ZBTB44: variants seen among roughly 807,000 people sequenced by gnomAD.
The protein encoded by ZBTB44 is zinc finger and BTB domain-containing protein 44.
ZBTB44 carries 15 observed loss-of-function variants against 54.0 expected under a neutral mutation model. The ratio of observed to expected loss-of-function variants is 0.28; its 90% CI spans 0.19 to 0.43. The LOEUF (loss-of-function observed/expected upper bound fraction) is 0.43, where lower values mean the gene tolerates loss of function less well. Ranked by LOEUF, ZBTB44 falls within the 20% of genes least tolerant of loss-of-function variation. The pLI is 1.00. For missense variants in ZBTB44, 487 were observed against 707.1 expected (o/e 0.69, Z 3.53); for synonymous variants, 230 against 250.1 (o/e 0.92, Z 0.76).
intron 1 of ZBTB44, among the ~76,000 whole-genome samples, chr11:130,306,712 G>A (rs1942284126): frequency 1.3e-5 from 2 of 152,104 alleles, no homozygotes; most frequent in South Asian, 4.1e-4. Flanking sequence ...TTTACACCAT[G>A]AAAACTGAAT....
intron 1 of ZBTB44, among the ~76,000 whole-genome samples, chr11:130,287,053 G>A (rs1334439756): frequency 6.6e-6 from 1 of 152,214 alleles, no homozygotes; most frequent in African/African-American, 2.4e-5. Flanking sequence ...CCATCTGAAT[G>A]TGTTCGCCAT....
rs1302099430 is a variant in ZBTB44, at chr11:130,229,698, C to T, written c.*2066G>A. The T allele has an allele frequency of 6.6e-6, 1 of 152,134 alleles. No homozygotes were observed. Among genetic ancestry groups the T allele is most frequent in the Non-Finnish European group, 1.5e-5 (1 of 67,996 alleles). 9.4% of individuals were successfully genotyped at this position (152,134 alleles called of 1,614,324 possible). A position where few individuals can be genotyped will look rare whatever the true frequency, so the allele number is the denominator to read the frequency against. The stretch of plus-strand genomic sequence containing the variant: ...CTTCCTTGTTACCCCAATTTTGTTT[C>T]ACTGCTTCAGAAAAGAAAATTTAGC... On this transcript the variant is annotated 3_prime_UTR_variant, in exon 8 of 8. Coordinates refer to ENST00000357899, the MANE Select transcript of ZBTB44 (RefSeq NM_001301098.2).
chr11:130,300,366 T>C (rs533822699), intron 1 of ZBTB44, among the ~76,000 whole-genome samples: 3 of 152,280 alleles, frequency 2.0e-5, no homozygotes, highest in African/African-American at 7.2e-5. Context: ...CAATGGTCTA[T>C]GTGTCTACCT....
intron 1 of ZBTB44, chr11:130,285,642 AC>A (rs2134313134): frequency 3.8e-6 from 1 of 262,578 alleles, no homozygotes; most frequent in South Asian, 5.5e-5. Context: ...AATATCCCCT[AC>A]TTCACAGTCT....
intron 1 of ZBTB44, among the ~76,000 whole-genome samples, chr11:130,264,887 A>G (rs977629891): frequency 6.6e-6 from 1 of 152,138 alleles, no homozygotes; most frequent in East Asian, 1.9e-4. Context: ...GCCACTTTCC[A>G]CCAGCTTGTG....
intron 1 of ZBTB44, among the ~76,000 whole-genome samples, chr11:130,292,565 T>C (rs7119450): frequency 0.041 from 6,237 of 152,310 alleles, 316 homozygotes; most frequent in African/African-American, 0.12. Flanking sequence ...AATTGCTGAA[T>C]AAATGTTCTT....
intron 1 of ZBTB44, among the ~76,000 whole-genome samples, chr11:130,262,699 G>T (rs2039898094): frequency 6.6e-6 from 1 of 151,158 alleles, no homozygotes; most frequent in African/African-American, 2.4e-5. Context: ...AATGTATAGA[G>T]GAAAAGAAAG....
intron 1 of ZBTB44, among the ~76,000 whole-genome samples, chr11:130,303,672 A>T (rs1186750217): frequency 2.0e-5 from 3 of 152,076 alleles, no homozygotes; most frequent in Admixed American, 6.6e-5. Flanking sequence ...ACCCAAAAAA[A>T]CACCCCCCAA....
intron 1 of ZBTB44, among the ~76,000 whole-genome samples, chr11:130,312,183 T>A (rs1008261799): frequency 1.8e-4 from 28 of 152,348 alleles, no homozygotes; most frequent in African/African-American, 6.3e-4. Flanking sequence ...CTCCAATAAC[T>A]GATTTAAGCA....
chr11:130,292,889 ACT>A (rs1164871084), intron 1 of ZBTB44, among the ~76,000 whole-genome samples: 4 of 151,848 alleles, frequency 2.6e-5, no homozygotes, highest in African/African-American at 9.7e-5. Flanking sequence ...CACTATTAAG[ACT>A]CTTTTTTACT....
chr11:130,251,002 G>A (rs1039059856), intron 2 of ZBTB44, among the ~76,000 whole-genome samples: 14 of 152,120 alleles, frequency 9.2e-5, no homozygotes, highest in African/African-American at 1.9e-4. Context: ...CTCCACTAAC[G>A]GAGCATGTTC....
At chr11:130,235,196 A>G (rs1360504819) in intron 5 of ZBTB44, among the ~76,000 whole-genome samples, 3 of 152,248 alleles carry the variant, frequency 2.0e-5, no homozygotes, top group African/African-American at 7.2e-5. Context: ...ATAAAAAATT[A>G]AAATCTGTTC....
intron 2 of ZBTB44, among the ~76,000 whole-genome samples, chr11:130,255,834 A>G (rs1938387662): frequency 6.6e-6 from 1 of 151,480 alleles, no homozygotes; most frequent in African/African-American, 2.4e-5. Flanking sequence ...TCCCAAGACT[A>G]AACTAGGAAG....
chr11:130,283,035 CTTTTTTTTTTTT>C (rs531030883), intron 1 of ZBTB44, among the ~76,000 whole-genome samples: 1,236 of 102,486 alleles, frequency 0.012, 25 homozygotes, highest in African/African-American at 0.032. Flanking sequence ...CCATTCTAAC[CTTTTTTTTTTTT>C]TTTTTTTTTT....
chr11:130,309,381 G>T (rs982232009), intron 1 of ZBTB44, among the ~76,000 whole-genome samples: 1 of 152,216 alleles, frequency 6.6e-6, no homozygotes, highest in Non-Finnish European at 1.5e-5. Context: ...GCACTTGGTT[G>T]ACAGGAGGCT....
chr11:130,252,886 C>T (rs1036136178), intron 2 of ZBTB44, among the ~76,000 whole-genome samples: 2 of 152,122 alleles, frequency 1.3e-5, no homozygotes, highest in African/African-American at 4.8e-5. Context: ...GGCTTCATCC[C>T]TGGGATGCAA....
intron 1 of ZBTB44, chr11:130,310,471 G>A (rs1439756959): frequency 4.8e-5 from 7 of 146,640 alleles, no homozygotes; most frequent in African/African-American, 1.5e-4. Flanking sequence ...TAAATCCCCC[G>A]TCTTTAAAAA....
chr11:130,235,226 A>T (rs1954056694), intron 5 of ZBTB44, among the ~76,000 whole-genome samples: 1 of 152,212 alleles, frequency 6.6e-6, no homozygotes, highest in Non-Finnish European at 1.5e-5. Flanking sequence ...GTAATTTAGA[A>T]TGCCCTATGT....
At chr11:130,298,832 G>GAC (rs71061379) in intron 1 of ZBTB44, among the ~76,000 whole-genome samples, 5,408 of 149,636 alleles carry the variant, frequency 0.036, 182 homozygotes, top group African/African-American at 0.093. Context: ...CAGACACCCA[G>GAC]ACACACACAC....
Sources: gnomAD v4.1 joint callset for allele counts (sites outside exome capture counted in the v4.1 genomes callset) on GRCh38, gnomAD v4.1.1 for gene constraint, MANE v1.5 for transcripts, NCBI Gene and HGNC (gene_info 2026-07-23, HGNC 2026-07-21) for gene names.